The following DLGAP1 variants were observed in gnomAD, a reference collection of about 807,000 sequenced individuals.
DLGAP1 encodes DLG associated protein 1.
DLGAP1 carries 11 observed loss-of-function variants against 90.8 expected under a neutral mutation model. That is an observed-to-expected ratio of 0.12 (90% confidence interval 0.08 to 0.20). DLGAP1 has a LOEUF of 0.20. Among genes scored for constraint, DLGAP1 ranks in the 10% least tolerant of loss-of-function variants. DLGAP1 has a pLI of 1.00. For missense variants in DLGAP1, 1,050 were observed against 1,333.8 expected (o/e 0.79, Z 3.31); for synonymous variants, 558 against 540.7 (o/e 1.03, Z -0.44).
intron 7 of DLGAP1, among the ~76,000 whole-genome samples, chr18:3,694,101 T>C (rs949024719): frequency 6.9e-6 from 1 of 145,614 alleles, no homozygotes; most frequent in Non-Finnish European, 1.5e-5. Flanking sequence ...TGTGTTCTCA[T>C]TGTTCAACTC....
intron 7 of DLGAP1, among the ~76,000 whole-genome samples, chr18:3,658,604 G>A (rs1945694690): frequency 6.6e-6 from 1 of 152,192 alleles, no homozygotes; most frequent in Non-Finnish European, 1.5e-5. Context: ...AGAGATAACA[G>A]TCATTGACAA....
chr18:3,534,757 T>C, intron 9 of DLGAP1, 142 bp from the exon 10 acceptor site: 1 of 785,686 alleles, frequency 1.3e-6, no homozygotes, highest in Non-Finnish European at 1.9e-6. Flanking sequence ...AGTGGCGTGA[T>C]CTCGGCTCAC....
intron 1 of DLGAP1, among the ~76,000 whole-genome samples, chr18:4,439,140 G>C (rs2083469966): frequency 6.6e-6 from 1 of 152,200 alleles, no homozygotes; most frequent in Admixed American, 6.5e-5. Context: ...GCACCCCGTG[G>C]CCTCTCAGCA....
intron 1 of DLGAP1, among the ~76,000 whole-genome samples, chr18:4,356,164 C>T (rs77336537): frequency 0.026 from 4,010 of 151,658 alleles, 182 homozygotes; most frequent in African/African-American, 0.092. Flanking sequence ...TGGACTCTCC[C>T]GATTTTTTTT....
chr18:3,863,656 G>C (rs2070216974), intron 4 of DLGAP1, among the ~76,000 whole-genome samples: 1 of 152,216 alleles, frequency 6.6e-6, no homozygotes, highest in Non-Finnish European at 1.5e-5. Context: ...GATGCTGAGT[G>C]CATGGATGCG....
At chr18:4,087,213 G>T (rs1047199205) in intron 2 of DLGAP1, among the ~76,000 whole-genome samples, 2 of 151,390 alleles carry the variant, frequency 1.3e-5, no homozygotes, top group African/African-American at 2.4e-5. Context: ...TGCTCCAGTG[G>T]TTATATATAT....
At chr18:3,773,776 A>G (rs929413330) in intron 5 of DLGAP1, among the ~76,000 whole-genome samples, 1 of 152,236 alleles carries the variant, frequency 6.6e-6, no homozygotes, top group Non-Finnish European at 1.5e-5. Context: ...TGGGAGCACG[A>G]AAGACTGGTG....
At chr18:3,761,636 C>T (rs997627852) in intron 5 of DLGAP1, among the ~76,000 whole-genome samples, 26 of 150,802 alleles carry the variant, frequency 1.7e-4, no homozygotes, top group African/African-American at 2.4e-4. Flanking sequence ...AGTGCAGTGG[C>T]GTGATCTAGG....
chr18:4,102,052 CAT>C (rs2075787041), intron 2 of DLGAP1, among the ~76,000 whole-genome samples: 1 of 151,820 alleles, frequency 6.6e-6, no homozygotes, highest in Non-Finnish European at 1.5e-5. Context: ...TAAAGGGAGC[CAT>C]ATATATATGC....
chr18:4,200,511 C>T (rs2077588211), intron 1 of DLGAP1, among the ~76,000 whole-genome samples: 2 of 151,418 alleles, frequency 1.3e-5, no homozygotes, highest in Admixed American at 6.6e-5. Flanking sequence ...AGATATGTAA[C>T]ATCACTCACA....
intron 5 of DLGAP1, among the ~76,000 whole-genome samples, chr18:3,783,211 A>G (rs892606753): frequency 6.6e-6 from 1 of 152,320 alleles, no homozygotes; most frequent in South Asian, 2.1e-4. Context: ...GGGAAGAAAA[A>G]GGGTACAGCC....
chr18:3,553,586 T>G (rs2053594572), intron 9 of DLGAP1, among the ~76,000 whole-genome samples: 1 of 152,066 alleles, frequency 6.6e-6, no homozygotes, highest in Admixed American at 6.5e-5. Context: ...CAGGATGGAG[T>G]GCAATTGCGT....
chr18:4,102,186 A>G (rs1202751294), intron 2 of DLGAP1, among the ~76,000 whole-genome samples: 1 of 152,142 alleles, frequency 6.6e-6, no homozygotes, highest in Non-Finnish European at 1.5e-5. Flanking sequence ...AACTGTTCTA[A>G]AGGACTCCAG....
chr18:4,324,036 G>A (rs1417262572), intron 1 of DLGAP1, among the ~76,000 whole-genome samples: 1 of 151,898 alleles, frequency 6.6e-6, no homozygotes, highest in African/African-American at 2.4e-5. Flanking sequence ...GAAACTGAAG[G>A]AAATTATGAT....
At chr18:4,089,885 A>AAT (rs756999282) in intron 2 of DLGAP1, among the ~76,000 whole-genome samples, 1 of 152,160 alleles carries the variant, frequency 6.6e-6, no homozygotes, top group Non-Finnish European at 1.5e-5. Context: ...CTCTACTAAA[A>AAT]ACACAAAAAA....
intron 1 of DLGAP1, among the ~76,000 whole-genome samples, chr18:4,208,696 C>G (rs1199250303): frequency 6.6e-6 from 1 of 151,872 alleles, no homozygotes; most frequent in Non-Finnish European, 1.5e-5. Context: ...TGCTCCCTCT[C>G]TCACCAACAC....
intron 1 of DLGAP1, among the ~76,000 whole-genome samples, chr18:4,404,412 C>T (rs74401293): frequency 6.6e-6 from 1 of 151,880 alleles, no homozygotes; most frequent in African/African-American, 2.4e-5. Context: ...CTCTGGAGAC[C>T]GCAAGAAAAC....
chr18:3,583,946 T>TA (rs1375549691), intron 7 of DLGAP1, among the ~76,000 whole-genome samples: 11 of 151,800 alleles, frequency 7.2e-5, no homozygotes, highest in African/African-American at 2.7e-4. Flanking sequence ...AGATTCGGTC[T>TA]AAAAAAAATG....
At chr18:4,194,080 G>T (rs2077449606) in intron 1 of DLGAP1, among the ~76,000 whole-genome samples, 1 of 152,024 alleles carries the variant, frequency 6.6e-6, no homozygotes, top group Admixed American at 6.6e-5. Flanking sequence ...GCCTGATGCT[G>T]AGGTTTGGGG....
Sources: allele counts gnomAD v4.1 joint callset (sites outside exome capture counted in the v4.1 genomes callset), GRCh38; gene constraint gnomAD v4.1.1; transcripts MANE v1.5; gene names NCBI Gene and HGNC (gene_info 2026-07-23, HGNC 2026-07-21).